PTPA: variants seen among roughly 807,000 people sequenced by gnomAD.
PTPA encodes protein phosphatase 2 phosphatase activator.
Under a neutral mutation model 43.6 loss-of-function variants are expected in PTPA, and 13 were observed. The ratio of observed to expected loss-of-function variants is 0.30; its 90% CI spans 0.19 to 0.47. PTPA has a LOEUF of 0.47. PTPA is among the 20% of genes least tolerant of loss of function. PTPA has a pLI of 0.99. For missense variants in PTPA, 329 were observed against 411.9 expected, an observed-to-expected ratio of 0.80 and a Z score of 1.74; for synonymous variants, 172 against 158.2, an observed-to-expected ratio of 1.09 and a Z score of -0.66.
chr9:129,134,262 G>T (rs1224270418), intron 5 of PTPA, among the ~76,000 whole-genome samples: 1 of 147,726 alleles, frequency 6.8e-6, no homozygotes, highest in African/African-American at 2.5e-5. Context: ...TCCAGCCCGG[G>T]TCTTTTACGA....
intron 1 of PTPA, 107 bp from the exon 2 acceptor site, chr9:129,120,406 A>G (rs959342545): frequency 3.5e-4 from 287 of 824,696 alleles, no homozygotes; most frequent in Non-Finnish European, 3.3e-5. Context: ...CCTGGGCAAC[A>G]AGAGCAAAAC....
Position 129,142,494 on chromosome 9 carries a change from GCGCC to G in PTPA, c.837_840del (p.Ser279ArgfsTer8). The G allele has an allele frequency of 6.2e-7, 1 of 1,612,128 alleles. No homozygotes were observed. The highest frequency in any genetic ancestry group is 1.3e-5 in the African/African-American group (1 of 74,988). ...CACTCCAACCAGCTGTGGAACATCA[GCGCC>G]GTCCCTTCCTGGTCCAAAGTGAACC... On this transcript the variant is annotated frameshift_variant, in exon 9 of 10. Coordinates refer to ENST00000393370, the MANE Select transcript of PTPA (RefSeq NM_178000.3). LOFTEE classifies it high-confidence loss of function.
chr9:129,123,533 A>C (rs1849392556), intron 3 of PTPA, among the ~76,000 whole-genome samples: 2 of 152,108 alleles, frequency 1.3e-5, no homozygotes, highest in African/African-American at 4.8e-5. Context: ...CCAGAGCAGA[A>C]AATAAGATCG....
rs577430655 is a variant in PTPA, at chr9:129,145,991, C to T, written c.895-1396C>T. Among the ~76,000 whole-genome samples, 48 of 152,066 alleles carry T rather than the reference C, an allele frequency of 3.2e-4. 2 individuals are homozygous for T. In the South Asian group the frequency reaches 6.4e-3, roughly 20 times the overall value. On this transcript the variant is annotated intron_variant, in intron 9 of 9. Transcript: ENST00000393370. ...GCTCTGAGGGGGCTGGCTCTGGGGT[C>T]CTGTGGGCAGAATGGGAAGAACCCC...
At chr9:129,132,791 C>G (rs1362800851) in intron 5 of PTPA, among the ~76,000 whole-genome samples, 1 of 152,172 alleles carries the variant, frequency 6.6e-6, no homozygotes, top group Non-Finnish European at 1.5e-5. Flanking sequence ...AGCCACTGCG[C>G]CCAGCTGATT....
chr9:129,114,581 CCTTAT>C (rs1206987775), intron 1 of PTPA, among the ~76,000 whole-genome samples: 2 of 152,122 alleles, frequency 1.3e-5, no homozygotes, highest in Middle Eastern at 3.4e-3. Context: ...TGCTGATTGC[CCTTAT>C]CTTTTTCAAA....
At chr9:129,128,536 CAAAA>C (rs35647247) in intron 3 of PTPA, among the ~76,000 whole-genome samples, 4 of 117,338 alleles carry the variant, frequency 3.4e-5, no homozygotes, top group Admixed American at 8.7e-5. Flanking sequence ...AACTCTGTCT[CAAAA>C]AAAAAAAAAA....
intron 8 of PTPA, 153 bp from the exon 9 acceptor site, chr9:129,142,292 T>G (rs1251819054): frequency 1.6e-6 from 1 of 628,882 alleles, no homozygotes; most frequent in Non-Finnish European, 2.6e-6. Context: ...GCAGATGCTA[T>G]AGCTTGGTCC....
Position 129,148,427 on chromosome 9 carries a change from C to G in PTPA, c.*963C>G, listed in dbSNP as rs551372791. The G allele has an allele frequency of 6.5e-6, 1 of 152,972 alleles. No individual in the cohort carries two copies. Among genetic ancestry groups the G allele is most frequent in the East Asian group, 1.9e-4 (1 of 5,210 alleles). 9.5% of individuals were successfully genotyped at this position (152,972 alleles called of 1,614,324 possible). ...CCCTGGGCCCCTGGGCCCTGCTTCT[C>G]TGCTCCCCTGGGTGATGGGTGGGCC... On this transcript the variant is annotated 3_prime_UTR_variant, in exon 10 of 10. Transcript: ENST00000393370.
At chr9:129,115,654 T>C (rs1588482231) in intron 1 of PTPA, among the ~76,000 whole-genome samples, 2 of 152,028 alleles carry the variant, frequency 1.3e-5, no homozygotes, top group South Asian at 4.2e-4. Context: ...TTTTTTTTTT[T>C]TTGAGATGGA....
chr9:129,118,158 A>G (rs541145123), intron 1 of PTPA, among the ~76,000 whole-genome samples: 2 of 150,112 alleles, frequency 1.3e-5, no homozygotes, highest in East Asian at 4.0e-4. Flanking sequence ...GGTTCAGGCA[A>G]TTCTCCTGCC....
intron 3 of PTPA, among the ~76,000 whole-genome samples, chr9:129,126,584 TTC>T (rs1849596179): frequency 6.6e-6 from 1 of 152,220 alleles, no homozygotes; most frequent in African/African-American, 2.4e-5. Flanking sequence ...GTTGTTGTTG[TTC>T]TGTTTGCTTT....
At chr9:129,137,847 C>T in intron 8 of PTPA, 155 bp downstream of exon 8, 1 of 722,980 alleles carries the variant, frequency 1.4e-6, no homozygotes, top group East Asian at 2.7e-5. Context: ...ACCACTGGGC[C>T]TCTTCCGAAA....
chr9:129,127,795 A>G lies in PTPA; in HGVS notation c.217-1190A>G, dbSNP rs139650543. On this transcript the variant is annotated intron_variant, in intron 3 of 9. Transcript: ENST00000393370. Reference sequence around the variant, plus strand: ...ACGATGATCTGGCATTTCCACAAAGATTGAGTTGCAAGCTGATTTACCATA... The same window carrying G: ...ACGATGATCTGGCATTTCCACAAAGGTTGAGTTGCAAGCTGATTTACCATA... Among the ~76,000 whole-genome samples, 36 of 152,318 alleles carry G rather than the reference A, an allele frequency of 2.4e-4. No homozygotes were observed. The East Asian group carries it at 6.6e-3, about 28-fold the overall frequency.
chr9:129,134,296 C>T (rs200999143), intron 5 of PTPA, among the ~76,000 whole-genome samples: 237 of 56,842 alleles, frequency 4.2e-3, no homozygotes, highest in South Asian at 0.011. Flanking sequence ...ACTGGTAGTT[C>T]TTTTTTTTTT....
chr9:129,121,634 C>T (rs561039677), intron 2 of PTPA, among the ~76,000 whole-genome samples: 3 of 152,292 alleles, frequency 2.0e-5, no homozygotes, highest in South Asian at 4.1e-4. Context: ...CCATGTAGGA[C>T]GTTTACTAAT....
chr9:129,142,342 G>GTA (rs1411533620), intron 8 of PTPA, 103 bp from the exon 9 acceptor site: 22 of 1,039,746 alleles, frequency 2.1e-5, no homozygotes, highest in Non-Finnish European at 3.0e-5. Flanking sequence ...GTGCGTTTGT[G>GTA]TGTGTGTGTG....
intron 1 of PTPA, among the ~76,000 whole-genome samples, chr9:129,119,317 C>T (rs1338960986): frequency 8.4e-6 from 1 of 118,692 alleles, no homozygotes; most frequent in Admixed American, 8.7e-5. Flanking sequence ...AATTTGCCAA[C>T]CTTATCCAGA....
intron 9 of PTPA, among the ~76,000 whole-genome samples, chr9:129,146,373 C>T (rs1316762009): frequency 6.6e-6 from 1 of 152,186 alleles, no homozygotes. Flanking sequence ...GCTTCTCCCT[C>T]TTAGGTTCCA....
Sources: gnomAD v4.1 joint callset for allele counts (sites outside exome capture counted in the v4.1 genomes callset) on GRCh38, gnomAD v4.1.1 for gene constraint, MANE v1.5 for transcripts, NCBI Gene and HGNC (gene_info 2026-07-23, HGNC 2026-07-21) for gene names.